Variants in CCDC93 observed in about 807,000 individuals in gnomAD.
CCDC93 encodes the protein CCC complex scaffolding subunit CCDC93, also known as coiled-coil domain-containing protein 93.
Under a neutral mutation model 108.2 loss-of-function variants are expected in CCDC93, and 61 were observed. That is an observed-to-expected ratio of 0.56 (90% confidence interval 0.46 to 0.70). The LOEUF is 0.70. CCDC93 is among the 30% of genes least tolerant of loss of function. The probability of loss-of-function intolerance (pLI) is 0.00; values close to 1 mark genes in which losing one functional copy is unlikely to be tolerated. For synonymous variants in CCDC93, 276 were observed against 260.4 expected (o/e 1.06, Z -0.58); for missense variants, 685 against 764.2 (o/e 0.90, Z 1.22).
chr2:117,950,038 A>G (rs1679003691), intron 13 of CCDC93: 1 of 985,430 alleles, frequency 1.0e-6, no homozygotes, highest in Non-Finnish European at 1.2e-6. Flanking sequence ...GGGGTCCCAC[A>G]TAGTTGGTGA....
chr2:117,947,724 C>T (rs1439654941), intron 15 of CCDC93, among the ~76,000 whole-genome samples: 4 of 134,032 alleles, frequency 3.0e-5, no homozygotes, highest in South Asian at 4.7e-4. Context: ...GATGGAGTCT[C>T]GCTCTGTCAC....
intron 19 of CCDC93, among the ~76,000 whole-genome samples, chr2:117,940,513 G>T (rs1358749002): frequency 6.6e-6 from 1 of 152,214 alleles, no homozygotes; most frequent in Admixed American, 6.5e-5. Context: ...AGGAACCCAG[G>T]CATGGTAAAG....
intron 23 of CCDC93, among the ~76,000 whole-genome samples, chr2:117,921,242 C>T (rs1020633089): frequency 6.6e-6 from 1 of 151,736 alleles, no homozygotes; most frequent in Non-Finnish European, 1.5e-5. Context: ...ATCAATGGCA[C>T]GTGCTACGGG....
rs575053605 is a variant in CCDC93, at chr2:118,013,897, G to T, written c.42+57C>A. The T allele has an allele frequency of 4.8e-6, 7 of 1,446,246 alleles. No homozygotes were observed. The Admixed American group carries it at 7.1e-5, about 15-fold the overall frequency. The allele number at this position is 1,446,246 out of a possible 1,614,324, so 89.6% of individuals were successfully genotyped here. A position where few individuals can be genotyped will look rare whatever the true frequency, so the allele number is the denominator to read the frequency against. ...GGGCCCGCTCAGCCCGCCGCCCCGC[G>T]GCTCGGCCCTCTCTTCAGGAACCCC... On this transcript the variant is annotated intron_variant, in intron 1 of 23. Coordinates refer to ENST00000376300, the MANE Select transcript of CCDC93 (RefSeq NM_019044.5).
chr2:117,974,032 CT>C (rs1233611799), intron 10 of CCDC93, 38 bp from the exon 11 acceptor site: 19 of 1,386,262 alleles, frequency 1.4e-5, no homozygotes, highest in Non-Finnish European at 1.9e-5. Flanking sequence ...AAGGCCAAGC[CT>C]TGTCTTCCAT....
chr2:117,971,969 T>G (rs1679777940), intron 11 of CCDC93, among the ~76,000 whole-genome samples: 1 of 152,226 alleles, frequency 6.6e-6, no homozygotes, highest in Non-Finnish European at 1.5e-5. Flanking sequence ...CATTGGAAGT[T>G]TAACTACAGT....
At chr2:117,999,368 G>C (rs911778018) in intron 4 of CCDC93, 1 of 152,152 alleles carries the variant, frequency 6.6e-6, no homozygotes, top group Admixed American at 6.5e-5. Flanking sequence ...TCCACTCTCC[G>C]CCCTTAAGCA....
At position 117,931,024 on chromosome 2, in the gene CCDC93, G is replaced by A. The variant is rs769237189; in HGVS notation, c.1842+13C>T. On this transcript the variant is annotated intron_variant, in intron 23 of 23. Transcript: ENST00000376300. ...CACGTTAGCCTTAATGTGCTACCCA[G>A]CCTTCCTCTTACCTCCTTGAACTCT... 1.3e-6 allele frequency: 2 copies of A among 1,540,140 alleles called. No individual in the cohort carries two copies. Among genetic ancestry groups the A allele is most frequent in the Non-Finnish European group, 1.8e-6 (2 of 1,116,804 alleles).
chr2:117,935,853 T>C, intron 21 of CCDC93: 1 of 306,596 alleles, frequency 3.3e-6, no homozygotes. Context: ...ATGTATTTTC[T>C]TGCAGTAAAA....
chr2:117,975,193 C>T lies in CCDC93; in HGVS notation c.745G>A (p.Glu249Lys). 6.2e-7 allele frequency: 1 copy of T among 1,613,406 alleles called. No individual in the cohort carries two copies. The highest frequency in any genetic ancestry group is 8.5e-7 in the Non-Finnish European group (1 of 1,179,464). Residue 249 changes from glutamate to lysine, a missense_variant, in exon 9 of 24, where the codon GAA becomes AAA. Physicochemically the swap from Glu to Lys is moderately conservative, Grantham distance 56. Transcript: ENST00000376300. ...GGCCTACATGGACCACACACCTCTT[C>T]AGCTGCTCGAAGCTCATCTTCCTCG... ...AHEEDELRAA[E>K]EQRIQSLMTK...
intron 13 of CCDC93, chr2:117,951,846 G>T: frequency 4.4e-6 from 1 of 226,094 alleles, no homozygotes; most frequent in Non-Finnish European, 7.7e-6. Flanking sequence ...ACTACAGATT[G>T]AATCGCAGGG....
intron 11 of CCDC93, among the ~76,000 whole-genome samples, chr2:117,970,466 AAG>A (rs1417300793): frequency 6.6e-6 from 1 of 152,224 alleles, no homozygotes; most frequent in Non-Finnish European, 1.5e-5. Flanking sequence ...ATAAAAAAAA[AAG>A]ACTGACCAAC....
intron 9 of CCDC93, 79 bp downstream of exon 9, chr2:117,975,109 G>A (rs1679893806): frequency 1.5e-6 from 2 of 1,306,960 alleles, no homozygotes; most frequent in Admixed American, 3.7e-5. Flanking sequence ...TGGCCATTTG[G>A]GAACGCTAGG....
chr2:117,975,116 T>C (rs1055255070), intron 9 of CCDC93, 72 bp downstream of exon 9: 7 of 1,368,080 alleles, frequency 5.1e-6, no homozygotes, highest in African/African-American at 2.9e-5. Flanking sequence ...TTGGGAACGC[T>C]AGGGATAAGA....
chr2:117,951,682 GTC>G (rs1679061630), intron 13 of CCDC93: 2 of 1,000,206 alleles, frequency 2.0e-6, no homozygotes, highest in African/African-American at 3.5e-5. Flanking sequence ...AGCTTTTCAA[GTC>G]TGGATGAGGA....
intron 15 of CCDC93, 77 bp from the exon 16 acceptor site, chr2:117,946,959 A>T (rs1678893536): frequency 9.3e-7 from 1 of 1,079,782 alleles, no homozygotes; most frequent in Non-Finnish European, 1.4e-6. Context: ...TTTGGTCCAC[A>T]AGTCTTATTT....
At chr2:118,001,143 C>T (rs1680837829) in intron 3 of CCDC93, 2 of 444,646 alleles carry the variant, frequency 4.5e-6, no homozygotes, top group South Asian at 4.7e-5. Context: ...CTGCCTTCAT[C>T]CTTTATTCTA....
chr2:117,991,467 A>T (rs1408214433), intron 6 of CCDC93, among the ~76,000 whole-genome samples: 2 of 152,196 alleles, frequency 1.3e-5, no homozygotes, highest in Non-Finnish European at 2.9e-5. Flanking sequence ...AGGAGTGCCG[A>T]CACCTGCTGT....
At chr2:117,963,581 A>C (rs1679460727) in intron 11 of CCDC93, among the ~76,000 whole-genome samples, 1 of 152,348 alleles carries the variant, frequency 6.6e-6, no homozygotes, top group African/African-American at 2.4e-5. Flanking sequence ...AATTCCATGA[A>C]TTTCAAAAAC....
Sources: allele counts gnomAD v4.1 joint callset (sites outside exome capture counted in the v4.1 genomes callset), GRCh38; gene constraint gnomAD v4.1.1; transcripts MANE v1.5; gene names NCBI Gene and HGNC (gene_info 2026-07-23, HGNC 2026-07-21).